Variants in TSPAN18 observed in about 807,000 individuals in gnomAD.
TSPAN18 encodes the protein tetraspanin 18, also known as tetraspanin-18.
In TSPAN18, 14 loss-of-function variants were observed where a neutral mutation model predicts 27.3. That is an observed-to-expected ratio of 0.51 (90% confidence interval 0.34 to 0.80). The LOEUF (loss-of-function observed/expected upper bound fraction) is 0.80. Ranked by LOEUF, TSPAN18 falls within the 30% of genes least tolerant of loss-of-function variation. The pLI, the probability that TSPAN18 is intolerant of heterozygous loss-of-function variation, is 0.01. For synonymous variants in TSPAN18, 143 were observed against 136.5 expected (o/e 1.05, Z -0.33); for missense variants, 268 against 323.9 (o/e 0.83, Z 1.32).
intron 2 of TSPAN18, among the ~76,000 whole-genome samples, chr11:44,851,621 C>CCCG (rs1390080749): frequency 1.3e-5 from 2 of 148,398 alleles, no homozygotes; most frequent in East Asian, 3.9e-4. Flanking sequence ...CACCTCCCCC[C>CCCG]CCCAACGGCT....
At chr11:44,792,338 C>T (rs1036311747) in intron 2 of TSPAN18, among the ~76,000 whole-genome samples, 2 of 152,114 alleles carry the variant, frequency 1.3e-5, no homozygotes, top group South Asian at 2.1e-4. Flanking sequence ...CAGAGGGGAC[C>T]GCAGGCACGC....
intron 2 of TSPAN18, among the ~76,000 whole-genome samples, chr11:44,843,433 A>C (rs1055594624): frequency 2.0e-5 from 3 of 152,250 alleles, no homozygotes; most frequent in African/African-American, 7.2e-5. Context: ...AGGCAAGTGG[A>C]GGCAGGGCGA....
chr11:44,729,095 G>C (rs1398423073), intron 1 of TSPAN18, among the ~76,000 whole-genome samples: 1 of 152,192 alleles, frequency 6.6e-6, no homozygotes, highest in Non-Finnish European at 1.5e-5. Context: ...GTTTTTGTTG[G>C]ATGCTACTGA....
chr11:44,906,278 C>A, intron 3 of TSPAN18, 129 bp from the exon 4 acceptor site: 1 of 826,456 alleles, frequency 1.2e-6, no homozygotes, highest in Non-Finnish European at 2.1e-6. Flanking sequence ...TCATCTCTAT[C>A]ATCGGCCTCC....
At chr11:44,746,101 GA>G (rs1436652495) in intron 1 of TSPAN18, among the ~76,000 whole-genome samples, 3 of 152,232 alleles carry the variant, frequency 2.0e-5, no homozygotes, top group Admixed American at 1.3e-4. Context: ...TAAAACTCCA[GA>G]TTTCTGGTTT....
At chr11:44,801,516 A>C (rs1042130024) in intron 2 of TSPAN18, among the ~76,000 whole-genome samples, 1 of 152,208 alleles carries the variant, frequency 6.6e-6, no homozygotes, top group African/African-American at 2.4e-5. Flanking sequence ...TCCATATAGC[A>C]TCCAGAGAAA....
chr11:44,853,869 T>C (rs1284590833), intron 2 of TSPAN18, among the ~76,000 whole-genome samples: 2 of 151,770 alleles, frequency 1.3e-5, no homozygotes, highest in Non-Finnish European at 2.9e-5. Context: ...TTCTGTGTGG[T>C]GGGGACATCA....
chr11:44,750,779 G>A (rs1355047993), intron 1 of TSPAN18, among the ~76,000 whole-genome samples: 3 of 152,202 alleles, frequency 2.0e-5, no homozygotes, highest in South Asian at 2.1e-4. Context: ...GAGGAGCAGC[G>A]AAAGAAAGAT....
intron 2 of TSPAN18, among the ~76,000 whole-genome samples, chr11:44,786,340 G>C (rs956137723): frequency 2.0e-5 from 3 of 152,200 alleles, no homozygotes; most frequent in African/African-American, 7.2e-5. Flanking sequence ...CTCCTCATGG[G>C]GAGGGGCCAG....
chr11:44,774,301 C>G (rs1855755298), intron 2 of TSPAN18, among the ~76,000 whole-genome samples: 1 of 152,232 alleles, frequency 6.6e-6, no homozygotes, highest in Non-Finnish European at 1.5e-5. Flanking sequence ...GGTGTGGTAT[C>G]TGCTTTCTGT....
intron 3 of TSPAN18, among the ~76,000 whole-genome samples, chr11:44,864,482 C>A (rs1045839576): frequency 6.6e-6 from 1 of 152,098 alleles, no homozygotes; most frequent in Non-Finnish European, 1.5e-5. Flanking sequence ...TGCTCAGGGT[C>A]CCTGCTCTCG....
chr11:44,851,024 C>G (rs1214239426), intron 2 of TSPAN18, among the ~76,000 whole-genome samples: 1 of 152,234 alleles, frequency 6.6e-6, no homozygotes, highest in African/African-American at 2.4e-5. Context: ...AACACCATCC[C>G]AGGGCTGTGG....
chr11:44,886,577 G>GAATC (rs1479584431), intron 3 of TSPAN18: 1 of 152,182 alleles, frequency 6.6e-6, no homozygotes, highest in Non-Finnish European at 1.5e-5. Context: ...GTGAAGCAGA[G>GAATC]AATCAATGCA....
rs1171672503 is a variant in TSPAN18 at position 44,931,526 on chromosome 11, C to T, written c.*2348C>T. 6.6e-6 allele frequency: 1 copy of T among 152,520 alleles called. No individual in the cohort carries two copies. Among genetic ancestry groups the T allele is most frequent in the Non-Finnish European group, 1.5e-5 (1 of 68,314 alleles). 9.4% of individuals were successfully genotyped at this position (152,520 alleles called of 1,614,324 possible). On this transcript the variant is annotated 3_prime_UTR_variant, in exon 10 of 10. Transcript: ENST00000520358. The stretch of plus-strand genomic sequence containing the variant: ...CAGACACAAGACTGCCCCTCAGCAG[C>T]TTTCTACAAATGTGCCAAGGAACCC...
chr11:44,728,982 GC>G lies in TSPAN18; in HGVS notation c.-240+1701del, dbSNP rs563366845. ...GCTGGTAACCTGTGCTCCTTGGGCA[GC>G]CCCCCTCCTGCTCCCATGTCCTTAA... On this transcript the variant is annotated intron_variant, in intron 1 of 9. Coordinates refer to ENST00000520358, the MANE Select transcript of TSPAN18 (RefSeq NM_130783.5). Among the ~76,000 whole-genome samples, 14 of 152,308 alleles carry G rather than the reference GC, an allele frequency of 9.2e-5. No individual in the cohort carries two copies. In the South Asian group the frequency reaches 2.1e-3, roughly 23 times the overall value.
chr11:44,845,989 C>A (rs1248947572), intron 2 of TSPAN18, among the ~76,000 whole-genome samples: 2 of 152,262 alleles, frequency 1.3e-5, no homozygotes, highest in African/African-American at 4.8e-5. Flanking sequence ...CCCTCCTGGG[C>A]CACTGTTATT....
intron 2 of TSPAN18, among the ~76,000 whole-genome samples, chr11:44,790,560 G>C (rs915320928): frequency 6.6e-6 from 1 of 150,858 alleles, no homozygotes; most frequent in Non-Finnish European, 1.5e-5. Context: ...GTGTGCATGT[G>C]TTCGTGTGTG....
intron 2 of TSPAN18, among the ~76,000 whole-genome samples, chr11:44,800,468 A>C (rs1302982914): frequency 6.6e-6 from 1 of 152,192 alleles, no homozygotes; most frequent in Non-Finnish European, 1.5e-5. Context: ...GGTTACCTGC[A>C]AGAGACCAGG....
At chr11:44,800,767 G>T (rs191332974) in intron 2 of TSPAN18, among the ~76,000 whole-genome samples, 6 of 152,240 alleles carry the variant, frequency 3.9e-5, no homozygotes, top group East Asian at 1.9e-4. Flanking sequence ...GGGGACAGGT[G>T]GGGGCAGGGA....
Sources: gnomAD v4.1 joint callset for allele counts (sites outside exome capture counted in the v4.1 genomes callset) on GRCh38, gnomAD v4.1.1 for gene constraint, MANE v1.5 for transcripts, NCBI Gene and HGNC (gene_info 2026-07-23, HGNC 2026-07-21) for gene names.